The following NFATC4 variants were observed in gnomAD, a reference collection of about 807,000 sequenced individuals.
NFATC4 encodes nuclear factor of activated T cells 4, also known as nuclear factor of activated T-cells, cytoplasmic 4.
Under a neutral mutation model 73.4 loss-of-function variants are expected in NFATC4, and 25 were observed. That is an observed-to-expected ratio of 0.34 (90% CI 0.25 to 0.48). The LOEUF (loss-of-function observed/expected upper bound fraction) is 0.48. NFATC4 is among the 20% of genes least tolerant of loss of function. The probability of loss-of-function intolerance (pLI) is 0.99; values close to 1 mark genes in which losing one functional copy is unlikely to be tolerated. For synonymous variants in NFATC4, 523 were observed against 510.3 expected, an observed-to-expected ratio of 1.02 and a Z score of -0.34; for missense variants, 1,130 against 1,203.7, an observed-to-expected ratio of 0.94 and a Z score of 0.91.
Position 24,378,745 on chromosome 14 carries a change from C to T in NFATC4, c.*1040C>T, listed in dbSNP as rs3742517. ...TGAATGTCACCTGCCCTGGGGCTTA[C>T]AGCACTATATGAGTTCCTGGCCTAT... On this transcript the variant is annotated 3_prime_UTR_variant, in exon 10 of 10. Coordinates refer to ENST00000250373, the MANE Select transcript of NFATC4 (RefSeq NM_004554.5). 66,577 of 152,224 alleles carry T rather than the reference C, an allele frequency of 0.44. 17,773 individuals carry two copies. Among genetic ancestry groups the T allele is most frequent in the Middle Eastern group, 0.62 (182 of 292 alleles). The allele number at this position is 152,224 out of a possible 1,614,324, so 9.4% of individuals were successfully genotyped here.
Position 24,376,686 on chromosome 14 carries a change from C to A in NFATC4, c.2449C>A (p.Pro817Thr). The change falls in exon 9 of 10, where the codon CCT becomes ACT. Residue 817 changes from proline to threonine, a missense_variant. By Grantham distance (38) the Pro-to-Thr change is conservative. This residue lies in a region of NFATC4 where 390 missense variants were observed against 408.1 expected (regional missense o/e 0.96). Coordinates refer to ENST00000250373, the MANE Select transcript of NFATC4 (RefSeq NM_004554.5). The surrounding 1 kb of genome is among the most constrained non-coding windows in gnomAD (Gnocchi z 5.0). ...PPAPFRPPPL[P>T]ASPPLEGPFP... Reference sequence around the variant, plus strand: ...AGCCCCCTTTCGGCCGCCTCCTCTTCCTGCATCCCCACCGCTTGAAGGCCC... The same window carrying A: ...AGCCCCCTTTCGGCCGCCTCCTCTTACTGCATCCCCACCGCTTGAAGGCCC... 6.2e-7 allele frequency: 1 copy of A among 1,613,740 alleles called. No homozygotes were observed. The highest frequency in any genetic ancestry group is 8.5e-7 in the Non-Finnish European group (1 of 1,179,906).
At position 24,368,386 on chromosome 14, in the gene NFATC4, G is replaced by C; in HGVS notation, c.46G>C (p.Val16Leu). 2 of 1,365,976 alleles carry C rather than the reference G, an allele frequency of 1.5e-6. No individual in the cohort carries two copies. The highest frequency in any genetic ancestry group is 2.0e-5 in the South Asian group (1 of 50,610). 84.6% of individuals were successfully genotyped at this position (1,365,976 alleles called of 1,614,324 possible). A position where few individuals can be genotyped will look rare whatever the true frequency, so the allele number is the denominator to read the frequency against. Residue 16 changes from valine to leucine, a missense_variant, in exon 1 of 10, where the codon GTG (valine) becomes CTG (leucine). By Grantham distance (32) the Val-to-Leu change is conservative (BLOSUM62 1). This residue lies in a region of NFATC4 where 585 missense variants were observed against 574.3 expected (regional missense o/e 1.02). Coordinates refer to ENST00000250373, the MANE Select transcript of NFATC4 (RefSeq NM_004554.5). ...CEDEELEFKL[V>L]FGEEKEAPPL... Reference sequence around the variant, plus strand: ...GGATGAGGAGCTGGAATTTAAGCTGGTGTTCGGGGAGGAAAAGGAGGCCCC... The same window carrying C: ...GGATGAGGAGCTGGAATTTAAGCTGCTGTTCGGGGAGGAAAAGGAGGCCCC...
Position 24,373,630 on chromosome 14 carries a change from C to T in NFATC4, c.1560-65C>T. 1.3e-6 allele frequency: 2 copies of T among 1,558,686 alleles called. No individual in the cohort carries two copies. The highest frequency in any genetic ancestry group is 1.7e-6 in the Non-Finnish European group (2 of 1,149,608). Reference sequence around the variant, plus strand: ...TTGGATGGAGGGCGGGAACTTCCCTCTTTAGGGATGTATCACCATTTTGGC... The same window carrying T: ...TTGGATGGAGGGCGGGAACTTCCCTTTTTAGGGATGTATCACCATTTTGGC... On this transcript the variant is annotated intron_variant, in intron 4 of 9. Transcript: ENST00000250373. This position sits in a 1 kb window ranked among gnomAD's most constrained non-coding sequence, Gnocchi z 4.7.
At chr14:24,372,362 C>A (rs192771240) in intron 2 of NFATC4, 79 bp from the exon 3 acceptor site, 63 of 1,456,112 alleles carry the variant, frequency 4.3e-5, no homozygotes, top group Non-Finnish European at 5.8e-5. Context: ...ACCCATACCC[C>A]CTCCTCCCTC....
Position 24,376,318 on chromosome 14 carries a change from C to A in NFATC4, c.2081C>A (p.Pro694Gln). 1 of 1,588,312 alleles carries A rather than the reference C, an allele frequency of 6.3e-7. No individual in the cohort carries two copies. Among genetic ancestry groups the A allele is most frequent in the Non-Finnish European group, 8.6e-7 (1 of 1,167,368 alleles). The change falls in exon 9 of 10, where the codon CCG becomes CAG. Residue 694 changes from proline to glutamine, a missense_variant. By Grantham distance (76) the Pro-to-Gln change is moderately conservative. Transcript: ENST00000250373. This position sits in a 1 kb window ranked among gnomAD's most constrained non-coding sequence, Gnocchi z 5.0. ...LPVICKEEPL[P>Q]DSSLRGFPSA... ...GTGATCTGCAAAGAGGAGCCCCTAC[C>A]GGACTCATCTCTGCGGGGTTTCCCT...
intron 2 of NFATC4, chr14:24,371,966 G>A (rs2042484368): frequency 6.5e-6 from 1 of 154,396 alleles, no homozygotes; most frequent in African/African-American, 2.4e-5. Flanking sequence ...CCAAAGTGCT[G>A]GGATTATAGG....
chr14:24,373,150 G>T lies in NFATC4; in HGVS notation c.1360-21G>T, dbSNP rs751639709. On this transcript the variant is annotated intron_variant, in intron 3 of 9. Coordinates refer to ENST00000250373, the MANE Select transcript of NFATC4 (RefSeq NM_004554.5). This position sits in a 1 kb window ranked among gnomAD's most constrained non-coding sequence, Gnocchi z 4.7. The stretch of plus-strand genomic sequence containing the variant: ...AGACGGTGGGGATTTCAATGAGGTG[G>T]CCGCTCTCTCCCTCTGCCAGCTCCT... 1.9e-6 allele frequency: 3 copies of T among 1,611,158 alleles called. No homozygotes were observed. The highest frequency in any genetic ancestry group is 2.5e-6 in the Non-Finnish European group (3 of 1,177,664).
At chr14:24,374,828 C>G in intron 6 of NFATC4, 1 of 170,614 alleles carries the variant, frequency 5.9e-6, no homozygotes, top group South Asian at 1.5e-4. Flanking sequence ...CAGTGATTAA[C>G]AGAGCCTGTT....
rs2042612680 is a variant in NFATC4, at chr14:24,376,289, C to T, written c.2057-5C>T. ...AGCATGTCCTCCCACTTCCTGTCTT[C>T]CCAGTGATCTGCAAAGAGGAGCCCC... On this transcript the variant is annotated splice_polypyrimidine_tract_variant and splice_region_variant and intron_variant, in intron 8 of 9. Transcript: ENST00000250373. The surrounding 1 kb of genome is among the most constrained non-coding windows in gnomAD (Gnocchi z 5.0). 2 of 1,564,502 alleles carry T rather than the reference C, an allele frequency of 1.3e-6. No homozygotes were observed.
At position 24,376,322 on chromosome 14, in the gene NFATC4, C is replaced by G; in HGVS notation, c.2085C>G (p.Asp695Glu). ...PVICKEEPLP[D>E]SSLRGFPSAS... is the part of the protein sequence containing the mutation. ...TCTGCAAAGAGGAGCCCCTACCGGA[C>G]TCATCTCTGCGGGGTTTCCCTTCAG... is the stretch of plus-strand genomic sequence containing the variant. The change falls in exon 9 of 10, where the codon GAC becomes GAG. Residue 695 changes from aspartate to glutamate, a missense_variant. This residue lies in a region of NFATC4 where 390 missense variants were observed against 408.1 expected (regional missense o/e 0.96). Transcript: ENST00000250373. The surrounding 1 kb of genome is among the most constrained non-coding windows in gnomAD (Gnocchi z 5.0). 1 of 1,591,990 alleles carries G rather than the reference C, an allele frequency of 6.3e-7. No homozygotes were observed. The highest frequency in any genetic ancestry group is 8.6e-7 in the Non-Finnish European group (1 of 1,169,212).
At chr14:24,369,117 C>A (rs1414356074) in intron 1 of NFATC4, 15 of 1,435,646 alleles carry the variant, frequency 1.0e-5, no homozygotes, top group Non-Finnish European at 1.3e-5. Context: ...CTGCCAGCGC[C>A]GTTTGGGGGT....
chr14:24,370,042 T>C lies in NFATC4; in HGVS notation c.644T>C (p.Leu215Pro), dbSNP rs1566463141. ...TCCCGCTTTGGCCTGGGCTCCCCGCTGCCCTCGCCCCGGGCCTCCCCTCGG... is the reference window on the plus strand; with the variant it reads ...TCCCGCTTTGGCCTGGGCTCCCCGCCGCCCTCGCCCCGGGCCTCCCCTCGG... The part of the protein sequence containing the change: ...AASRFGLGSP[L>P]PSPRASPRPW... The change falls in exon 2 of 10, where the codon CTG becomes CCG. Residue 215 changes from leucine to proline, a missense_variant. By Grantham distance (98) the Leu-to-Pro change is moderately conservative (BLOSUM62 -3). Around this residue, in one of 3 missense-constraint regions of NFATC4, gnomAD observed 585 missense variants for 574.3 expected, o/e 1.02. Coordinates refer to ENST00000250373, the MANE Select transcript of NFATC4 (RefSeq NM_004554.5). 6.2e-7 allele frequency: 1 copy of C among 1,609,962 alleles called. No homozygotes were observed. The highest frequency in any genetic ancestry group is 8.5e-7 in the Non-Finnish European group (1 of 1,179,894).
In NFATC4 at chr14:24,369,568, C is replaced by T; in HGVS notation, c.170C>T (p.Ala57Val). Residue 57 changes from alanine (A) to valine (V), a missense_variant, in exon 2 of 10, where the codon GCA (alanine) becomes GTA (valine). Ala to Val is a moderately conservative substitution (Grantham distance 64). Around this residue, in one of 3 missense-constraint regions of NFATC4, gnomAD observed 585 missense variants for 574.3 expected, o/e 1.02. Transcript: ENST00000250373. ...GGAGAGCCCCCTCCCTATGGCGCTG[C>T]ACCTATCGGTATTCCCCGACCTCCA... The part of the protein sequence containing the change: ...ALGEPPPYGA[A>V]PIGIPRPPPP... The T allele has an allele frequency of 6.2e-7, 1 of 1,612,428 alleles. No individual in the cohort carries two copies.
In NFATC4 at chr14:24,377,826, C is replaced by A. The variant is rs956366416; in HGVS notation, c.*121C>A. On this transcript the variant is annotated 3_prime_UTR_variant, in exon 10 of 10. Coordinates refer to ENST00000250373, the MANE Select transcript of NFATC4 (RefSeq NM_004554.5). This position sits in a 1 kb window ranked among gnomAD's most constrained non-coding sequence, Gnocchi z 4.2. ...CCAACCCTGGCTCCTCTTTCCCCAG[C>A]TTCTGTCTGTCTCACTGTCTTCCCT... 9.7e-6 allele frequency: 15 copies of A among 1,548,596 alleles called. No individual in the cohort carries two copies. The African/African-American group carries it at 1.6e-4, about 17-fold the overall frequency.
At chr14:24,374,217 G>C (rs559924353) in intron 5 of NFATC4, 109 bp from the exon 6 acceptor site, 2 of 1,332,964 alleles carry the variant, frequency 1.5e-6, no homozygotes, top group South Asian at 1.4e-5. Context: ...TACTGCTGAG[G>C]AGGGCTCCCT....
chr14:24,367,245 G>T (rs764151599), upstream of NFATC4: 2 of 1,611,882 alleles, frequency 1.2e-6, no homozygotes, highest in Non-Finnish European at 8.5e-7. Flanking sequence ...TGGGGGCGGG[G>T]GGGCCAAGGA....
In NFATC4 at chr14:24,370,564, C is replaced by G. The variant is rs368939796; in HGVS notation, c.1166C>G (p.Ala389Gly). Residue 389 changes from alanine (A) to glycine (G), a missense_variant, in exon 2 of 10, where the codon GCC becomes GGC. Physicochemically the swap from Ala to Gly is moderately conservative, Grantham distance 60 (BLOSUM62 0). Around this residue, in one of 3 missense-constraint regions of NFATC4, gnomAD observed 585 missense variants for 574.3 expected, o/e 1.02. Transcript: ENST00000250373. ...CCCTCCCCACTCGCTTGGTCCAAGGCCCGGATTGGGGGACACAGCCCTATC... is the reference window on the plus strand; with the variant it reads ...CCCTCCCCACTCGCTTGGTCCAAGGGCCGGATTGGGGGACACAGCCCTATC... ...AVPSPLAWSK[A>G]RIGGHSPIFR... 1 of 1,612,012 alleles carries G rather than the reference C, an allele frequency of 6.2e-7. No individual in the cohort carries two copies. Among genetic ancestry groups the G allele is most frequent in the African/African-American group, 1.3e-5 (1 of 75,016 alleles).
chr14:24,373,558 G>T lies in NFATC4; in HGVS notation c.1560-137G>T. 2 of 1,415,416 alleles carry T rather than the reference G, an allele frequency of 1.4e-6. No homozygotes were observed. The highest frequency in any genetic ancestry group is 1.9e-6 in the Non-Finnish European group (2 of 1,042,184). The allele number at this position is 1,415,416 out of a possible 1,614,324, so 87.7% of individuals were successfully genotyped here. ...GGGTACCCCAGAGAGGCCATCTCTG[G>T]GTTAGAAAATAGCCTCCTAGGCACT... On this transcript the variant is annotated intron_variant, in intron 4 of 9. Coordinates refer to ENST00000250373, the MANE Select transcript of NFATC4 (RefSeq NM_004554.5). The surrounding 1 kb of genome is among the most constrained non-coding windows in gnomAD (Gnocchi z 4.7).
chr14:24,374,714 T>G (rs554524784), intron 6 of NFATC4: 9 of 409,414 alleles, frequency 2.2e-5, no homozygotes, highest in Admixed American at 4.0e-5. Flanking sequence ...AAGAGGAGTC[T>G]GCTTTGAGAT....
Sources: allele counts gnomAD v4.1 joint callset, GRCh38; gene constraint gnomAD v4.1.1; regional missense constraint gnomAD v4.1.1; non-coding constraint Gnocchi (gnomAD v3.1); transcripts MANE v1.5; gene names NCBI Gene and HGNC (gene_info 2026-07-23, HGNC 2026-07-21).